The following ACKR1 variants were observed in gnomAD, a reference collection of about 807,000 sequenced individuals.
ACKR1 encodes the protein atypical chemokine receptor 1.
A neutral mutation model predicts 2.5 loss-of-function variants in ACKR1; 3 were observed. That is an observed-to-expected ratio of 1.18 (90% CI 0.54 to 3.06). The LOEUF is 3.06. ACKR1 is among the 30% of genes most tolerant of loss of function. The pLI is 0.03. For missense variants in ACKR1, 438 were observed against 395.2 expected, an observed-to-expected ratio of 1.11 and a Z score of -0.92; for synonymous variants, 208 against 178.2, an observed-to-expected ratio of 1.17 and a Z score of -1.33.
chr1:159,205,746 G>T lies in ACKR1; in HGVS notation c.307G>T (p.Ala103Ser). Residue 103 changes from alanine to serine, a missense_variant, in exon 2 of 2, where the codon GCT (alanine) becomes TCT (serine). Coordinates refer to ENST00000368122, the MANE Select transcript of ACKR1 (RefSeq NM_002036.4). The part of the protein sequence containing the change: ...CPGWPVLAQL[A>S]VGSALFSIVV... ...TGGCTGGCCTGTCCTGGCACAGCTG[G>T]CTGTGGGCAGTGCCCTCTTCAGCAT... 1 of 1,614,024 alleles carries T rather than the reference G, an allele frequency of 6.2e-7. No individual in the cohort carries two copies. The highest frequency in any genetic ancestry group is 1.1e-5 in the South Asian group (1 of 91,084).
chr1:159,206,042 G>A lies in ACKR1; in HGVS notation c.603G>A (p.Thr201=), dbSNP rs191616307. ...GACTCTGCACCCTGATATACAGCACGGAGCTGAAGGCTTTGCAGGCCACAC... is the reference window on the plus strand; with the variant it reads ...GACTCTGCACCCTGATATACAGCACAGAGCTGAAGGCTTTGCAGGCCACAC... ...SGGLCTLIYS[T]ELKALQATHT... is the part of the protein sequence containing the mutation. The change falls in exon 2 of 2, where the codon ACG becomes ACA. Residue 201 remains threonine, a synonymous_variant. Transcript: ENST00000368122. 1.1e-4 allele frequency: 173 copies of A among 1,614,240 alleles called. No homozygotes were observed. The East Asian group carries it at 2.2e-3, about 21-fold the overall frequency.
intron 1 of ACKR1, 177 bp from the exon 2 acceptor site, chr1:159,205,284 C>A: frequency 1.2e-6 from 1 of 819,508 alleles, no homozygotes. Context: ...GTTCCTGCTC[C>A]GGCTCTTCAG....
Position 159,205,464 on chromosome 1 carries a change from G to A in ACKR1, c.25G>A (p.Glu9Lys), listed in dbSNP as rs369005597. ...CTCCTCTGGGTATGTCCTCCAGGCG[G>A]AGCTCTCCCCCTCAACTGAGAACTC... MGNCLHRA[E>K]LSPSTENSSQ... Residue 9 changes from glutamate to lysine, a missense_variant, in exon 2 of 2, where the codon GAG (glutamate) becomes AAG (lysine). Transcript: ENST00000368122. 10 of 1,608,376 alleles carry A rather than the reference G, an allele frequency of 6.2e-6. No individual in the cohort carries two copies. Among genetic ancestry groups the A allele is most frequent in the African/African-American group, 5.3e-5 (4 of 74,900 alleles).
chr1:159,206,039 C>G lies in ACKR1; in HGVS notation c.600C>G (p.Ser200Arg). 1 of 1,614,248 alleles carries G rather than the reference C, an allele frequency of 6.2e-7. No homozygotes were observed. Among genetic ancestry groups the G allele is most frequent in the Non-Finnish European group, 8.5e-7 (1 of 1,180,034 alleles). ...GTGGACTCTGCACCCTGATATACAG[C>G]ACGGAGCTGAAGGCTTTGCAGGCCA... is the stretch of plus-strand genomic sequence containing the variant. ...ASGGLCTLIY[S>R]TELKALQATH... Residue 200 changes from serine (S) to arginine (R), a missense_variant, in exon 2 of 2, where the codon AGC becomes AGG. By Grantham distance (110) the Ser-to-Arg change is moderately radical. Coordinates refer to ENST00000368122, the MANE Select transcript of ACKR1 (RefSeq NM_002036.4).
Position 159,206,383 on chromosome 1 carries a change from T to C in ACKR1, c.944T>C (p.Leu315Pro), listed in dbSNP as rs1339812099. The C allele has an allele frequency of 6.2e-7, 1 of 1,614,246 alleles. No homozygotes were observed. Among genetic ancestry groups the C allele is most frequent in the East Asian group, 2.2e-5 (1 of 44,890 alleles). The change falls in exon 2 of 2, where the codon CTC becomes CCC. Residue 315 changes from leucine to proline, a missense_variant. Transcript: ENST00000368122. ...TTCTGCCACCAGGCCACCCGCACCCTCTTGCCCTCTCTGCCCCTCCCTGAA... is the reference window on the plus strand; with the variant it reads ...TTCTGCCACCAGGCCACCCGCACCCCCTTGCCCTCTCTGCCCCTCCCTGAA... Reference protein sequence around the residue: ...ALFCHQATRTLLPSLPLPEGW... With the variant: ...ALFCHQATRTPLPSLPLPEGW...
At position 159,206,076 on chromosome 1, in the gene ACKR1, G is replaced by A. The variant is rs968714620; in HGVS notation, c.637G>A (p.Ala213Thr). The A allele has an allele frequency of 6.2e-7, 1 of 1,614,264 alleles. No individual in the cohort carries two copies. Among genetic ancestry groups the A allele is most frequent in the Non-Finnish European group, 8.5e-7 (1 of 1,180,040 alleles). The part of the protein sequence containing the change: ...LKALQATHTV[A>T]CLAIFVLLPL... Reference sequence around the variant, plus strand: ...GGCTTTGCAGGCCACACACACTGTAGCCTGTCTTGCCATCTTTGTCTTGTT... The same window carrying A: ...GGCTTTGCAGGCCACACACACTGTAACCTGTCTTGCCATCTTTGTCTTGTT... The change falls in exon 2 of 2, where the codon GCC (alanine) becomes ACC (threonine). Residue 213 changes from alanine (A) to threonine (T), a missense_variant. Transcript: ENST00000368122.
chr1:159,205,138 C>T (rs72549207), intron 1 of ACKR1, 158 bp downstream of exon 1: 2 of 865,860 alleles, frequency 2.3e-6, no homozygotes, highest in African/African-American at 1.7e-5. Flanking sequence ...TTCTCTCCTT[C>T]CTATGCTAGC....
At position 159,205,742 on chromosome 1, in the gene ACKR1, G is replaced by A. The variant is rs1362590579; in HGVS notation, c.303G>A (p.Gln101=). The change falls in exon 2 of 2, where the codon CAG becomes CAA. Residue 101 remains glutamine (Q), a synonymous_variant. Transcript: ENST00000368122. The stretch of plus-strand genomic sequence containing the variant: ...GCCCTGGCTGGCCTGTCCTGGCACA[G>A]CTGGCTGTGGGCAGTGCCCTCTTCA... ...QLCPGWPVLA[Q]LAVGSALFSI... 6.2e-7 allele frequency: 1 copy of A among 1,613,942 alleles called. No homozygotes were observed. The highest frequency in any genetic ancestry group is 8.5e-7 in the Non-Finnish European group (1 of 1,179,874).
In ACKR1 at chr1:159,204,944, T is replaced by G; in HGVS notation, c.-16T>G. ...GTCCCAGCCCTTCTGTCTGCGGGCC[T>G]GAACCAAACGGTGCCATGGGGAACT... On this transcript the variant is annotated 5_prime_UTR_variant, in exon 1 of 2. Transcript: ENST00000368122. 6.2e-7 allele frequency: 1 copy of G among 1,614,172 alleles called. No homozygotes were observed. Among genetic ancestry groups the G allele is most frequent in the Non-Finnish European group, 8.5e-7 (1 of 1,180,022 alleles).
At chr1:159,205,421 C>G (rs373948235) in intron 1 of ACKR1, 40 bp from the exon 2 acceptor site, 43 of 1,573,476 alleles carry the variant, frequency 2.7e-5, no homozygotes, top group Non-Finnish European at 3.6e-5. Flanking sequence ...GAGACTCTTC[C>G]GGTGTAACTC....
chr1:159,205,561 A>G lies in ACKR1; in HGVS notation c.122A>G (p.Tyr41Cys). Residue 41 changes from tyrosine to cysteine, a missense_variant, in exon 2 of 2, where the codon TAT becomes TGT. Tyr to Cys is a radical substitution (Grantham distance 194). Transcript: ENST00000368122. The stretch of plus-strand genomic sequence containing the variant: ...AATGATTCCTTCCCAGATGGAGACT[A>G]TGGTGCCAACCTGGAAGCAGCTGCC... The part of the protein sequence containing the change: ...GVNDSFPDGD[Y>C]GANLEAAAPC... 1 of 1,614,230 alleles carries G rather than the reference A, an allele frequency of 6.2e-7. No individual in the cohort carries two copies. The highest frequency in any genetic ancestry group is 8.5e-7 in the Non-Finnish European group (1 of 1,180,032).
chr1:159,205,579 C>G lies in ACKR1; in HGVS notation c.140C>G (p.Ala47Gly). ...GGAGACTATGGTGCCAACCTGGAAG[C>G]AGCTGCCCCCTGCCACTCCTGTAAC... The part of the protein sequence containing the change: ...PDGDYGANLE[A>G]AAPCHSCNLL... Residue 47 changes from alanine to glycine, a missense_variant, in exon 2 of 2, where the codon GCA (alanine) becomes GGA (glycine). Physicochemically the swap from Ala to Gly is moderately conservative, Grantham distance 60. Transcript: ENST00000368122. The G allele has an allele frequency of 6.2e-7, 1 of 1,614,234 alleles. No homozygotes were observed. The highest frequency in any genetic ancestry group is 8.5e-7 in the Non-Finnish European group (1 of 1,180,042).
Position 159,206,282 on chromosome 1 carries a change from T to A in ACKR1, c.843T>A (p.Ala281=). 1 of 1,614,202 alleles carries A rather than the reference T, an allele frequency of 6.2e-7. No individual in the cohort carries two copies. Among genetic ancestry groups the A allele is most frequent in the African/African-American group, 1.3e-5 (1 of 75,048 alleles). ...TGTCAACATGTCTGGCCCAGCAGGCTCTGGACCTGCTGCTGAACCTGGCAG... is the reference window on the plus strand; with the variant it reads ...TGTCAACATGTCTGGCCCAGCAGGCACTGGACCTGCTGCTGAACCTGGCAG... The part of the protein sequence containing the change: ...LLLSTCLAQQ[A]LDLLLNLAEA... The change falls in exon 2 of 2, where the codon GCT becomes GCA. Residue 281 remains alanine (A), a synonymous_variant. Transcript: ENST00000368122.
intron 1 of ACKR1, 111 bp from the exon 2 acceptor site, chr1:159,205,350 C>T: frequency 1.5e-6 from 2 of 1,362,124 alleles, no homozygotes; most frequent in Non-Finnish European, 1.0e-6. Flanking sequence ...CTGCAGAGAC[C>T]TTGTTCTCCC....
At position 159,205,958 on chromosome 1, in the gene ACKR1, T is replaced by G; in HGVS notation, c.519T>G (p.Ile173Met). 1 of 1,613,990 alleles carries G rather than the reference T, an allele frequency of 6.2e-7. No individual in the cohort carries two copies. The highest frequency in any genetic ancestry group is 1.1e-5 in the South Asian group (1 of 91,072). ...TCACCCTGGGGCTCACTGTGGGAATTTGGGGAGTGGCTGCCCTACTGACAC... is the reference window on the plus strand; with the variant it reads ...TCACCCTGGGGCTCACTGTGGGAATGTGGGGAGTGGCTGCCCTACTGACAC... Reference protein sequence around the residue: ...PGLTLGLTVGIWGVAALLTLP... With the variant: ...PGLTLGLTVGMWGVAALLTLP... The change falls in exon 2 of 2, where the codon ATT (isoleucine) becomes ATG (methionine). Residue 173 changes from isoleucine (I) to methionine (M), a missense_variant. Physicochemically the swap from Ile to Met is conservative, Grantham distance 10. Coordinates refer to ENST00000368122, the MANE Select transcript of ACKR1 (RefSeq NM_002036.4).
At chr1:159,205,033 C>T (rs926701381) in intron 1 of ACKR1, 53 bp downstream of exon 1, 14 of 1,585,264 alleles carry the variant, frequency 8.8e-6, no homozygotes, top group South Asian at 2.3e-5. Flanking sequence ...CCTCATTTCC[C>T]CTGCTGTTTG....
At position 159,205,202 on chromosome 1, in the gene ACKR1, G is replaced by GT. The variant is rs2102152860; in HGVS notation, c.21+223dup. ...TTGCCTTTGAGTCAGTTCCATCCTG[G>GT]TCTCTTGGTGCCTTTTCCTTCTGAC... is the stretch of plus-strand genomic sequence containing the variant. On this transcript the variant is annotated intron_variant, in intron 1 of 1. Transcript: ENST00000368122. 6.7e-6 allele frequency: 4 copies of GT among 600,428 alleles called. No individual in the cohort carries two copies. The Admixed American group carries it at 1.5e-4, about 23-fold the overall frequency. 37.2% of individuals were successfully genotyped at this position (600,428 alleles called of 1,614,324 possible).
At position 159,205,571 on chromosome 1, in the gene ACKR1, C is replaced by T; in HGVS notation, c.132C>T (p.Asn44=). ...DSFPDGDYGA[N]LEAAAPCHSC... ...TCCCAGATGGAGACTATGGTGCCAACCTGGAAGCAGCTGCCCCCTGCCACT... is the reference window on the plus strand; with the variant it reads ...TCCCAGATGGAGACTATGGTGCCAATCTGGAAGCAGCTGCCCCCTGCCACT... Residue 44 remains asparagine, a synonymous_variant, in exon 2 of 2, where the codon AAC becomes AAT. Transcript: ENST00000368122. The T allele has an allele frequency of 6.2e-7, 1 of 1,614,228 alleles. No homozygotes were observed. The highest frequency in any genetic ancestry group is 8.5e-7 in the Non-Finnish European group (1 of 1,180,038).
Position 159,206,446 on chromosome 1 carries a change from C to T in ACKR1, c.1007C>T (p.Ser336Phe). 7 of 1,608,224 alleles carry T rather than the reference C, an allele frequency of 4.4e-6. No individual in the cohort carries two copies. The highest frequency in any genetic ancestry group is 6.0e-6 in the Non-Finnish European group (7 of 1,175,784). Reference sequence around the variant, plus strand: ...CATCTGGACACCCTTGGAAGCAAATCCTAGTTCTCTTCCCACCTGTCAACC... The same window carrying T: ...CATCTGGACACCCTTGGAAGCAAATTCTAGTTCTCTTCCCACCTGTCAACC... ...SSHLDTLGSK[S>F] is the part of the protein sequence containing the mutation. Residue 336 changes from serine to phenylalanine, a missense_variant, in exon 2 of 2, where the codon TCC becomes TTC. Coordinates refer to ENST00000368122, the MANE Select transcript of ACKR1 (RefSeq NM_002036.4).
Sources: allele counts gnomAD v4.1 joint callset, GRCh38; gene constraint gnomAD v4.1.1; transcripts MANE v1.5; gene names NCBI Gene and HGNC (gene_info 2026-07-23, HGNC 2026-07-21).